The following RASGRF2 variants were observed in gnomAD, a reference collection of about 807,000 sequenced individuals.
RASGRF2 encodes Ras protein specific guanine nucleotide releasing factor 2.
A neutral mutation model predicts 151.0 loss-of-function variants in RASGRF2; 76 were observed. That is an observed-to-expected ratio of 0.50 (90% confidence interval 0.42 to 0.61). The LOEUF (loss-of-function observed/expected upper bound fraction) is 0.61, where lower values mean the gene tolerates loss of function less well. Among genes scored for constraint, RASGRF2 ranks in the 20% least tolerant of loss-of-function variants. The pLI is 0.00. For missense variants in RASGRF2, 1,148 were observed against 1,564.6 expected, an observed-to-expected ratio of 0.73 and a Z score of 4.49; for synonymous variants, 504 against 566.5, an observed-to-expected ratio of 0.89 and a Z score of 1.57.
chr5:81,185,055 C>T (rs1161502102), intron 18 of RASGRF2, among the ~76,000 whole-genome samples: 2 of 152,216 alleles, frequency 1.3e-5, no homozygotes, highest in Non-Finnish European at 2.9e-5. Context: ...AATGGAGTGG[C>T]TCGGCCACCT....
intron 5 of RASGRF2, among the ~76,000 whole-genome samples, chr5:81,079,726 T>C (rs1752033147): frequency 6.6e-6 from 1 of 152,194 alleles, no homozygotes; most frequent in African/African-American, 2.4e-5. Flanking sequence ...TCTCTCCTTC[T>C]GTCAAAACTC....
intron 1 of RASGRF2, among the ~76,000 whole-genome samples, chr5:80,995,684 T>TCCCCCCCC (rs34823229): frequency 2.0e-4 from 14 of 69,456 alleles, no homozygotes; most frequent in Admixed American, 4.6e-4. Context: ...TTCCTTTCCT[T>TCCCCCCCC]CCCCCCCCCT....
intron 15 of RASGRF2, among the ~76,000 whole-genome samples, chr5:81,121,135 C>G (rs1326286083): frequency 2.0e-5 from 3 of 151,988 alleles, no homozygotes; most frequent in Non-Finnish European, 4.4e-5. Context: ...GCCAAAAGTG[C>G]TGCTGTGTGA....
chr5:81,104,522 C>T (rs916043344), intron 12 of RASGRF2, among the ~76,000 whole-genome samples: 8 of 152,034 alleles, frequency 5.3e-5, no homozygotes, highest in Admixed American at 1.3e-4. Context: ...TGTATTATTT[C>T]CCCTTTCCAA....
intron 1 of RASGRF2, among the ~76,000 whole-genome samples, chr5:80,969,368 T>TCA (rs1747831964): frequency 6.7e-6 from 1 of 150,334 alleles, no homozygotes; most frequent in Non-Finnish European, 1.5e-5. Context: ...ACTCCTGACC[T>TCA]TGTGATCTGC....
rs1344392174 is a variant in RASGRF2 at position 81,217,978 on chromosome 5, G to A, written c.3552+505G>A. Among the ~76,000 whole-genome samples the A allele has an allele frequency of 2.6e-5, 4 of 152,060 alleles. No individual in the cohort carries two copies. The East Asian group carries it at 7.7e-4, about 29-fold the overall frequency. On this transcript the variant is annotated intron_variant, in intron 25 of 26. Transcript: ENST00000265080. The stretch of plus-strand genomic sequence containing the variant: ...AGGATGGTCTGGATCTCCTGACCTC[G>A]TGATCTGCCCGCCTGGGACTCCCAA...
intron 14 of RASGRF2, 138 bp from the exon 15 acceptor site, chr5:81,113,400 T>G (rs184823541): frequency 2.0e-6 from 2 of 1,022,918 alleles, no homozygotes; most frequent in Admixed American, 5.2e-5. Context: ...ACATGTAGCA[T>G]TTAGATTAAC....
intron 25 of RASGRF2, 102 bp downstream of exon 25, chr5:81,217,575 T>TTG: frequency 1.2e-5 from 2 of 171,998 alleles, no homozygotes; most frequent in Non-Finnish European, 1.8e-5. Flanking sequence ...TTTTCTCTTC[T>TTG]TTTTTTTTTT....
chr5:81,057,207 T>A (rs1297265326), intron 2 of RASGRF2, among the ~76,000 whole-genome samples: 1 of 152,246 alleles, frequency 6.6e-6, no homozygotes, highest in Non-Finnish European at 1.5e-5. Flanking sequence ...CCTTAGTTGA[T>A]GCAGTTTCTT....
intron 5 of RASGRF2, among the ~76,000 whole-genome samples, chr5:81,076,860 G>C (rs1751954466): frequency 6.6e-6 from 1 of 152,238 alleles, no homozygotes; most frequent in South Asian, 2.1e-4. Flanking sequence ...GCTAGTGGTT[G>C]TGACTTTCCA....
chr5:81,053,528 A>G (rs376292033), intron 2 of RASGRF2, among the ~76,000 whole-genome samples: 1 of 152,096 alleles, frequency 6.6e-6, no homozygotes, highest in East Asian at 1.9e-4. Context: ...TCTATCATTG[A>G]TGGACATTTG....
chr5:81,052,741 T>C (rs1751053690), intron 2 of RASGRF2, among the ~76,000 whole-genome samples: 1 of 152,154 alleles, frequency 6.6e-6, no homozygotes, highest in South Asian at 2.1e-4. Context: ...ATAGAGAAAC[T>C]GGCCTTGCTT....
In RASGRF2 at chr5:81,180,157, G is replaced by A. The variant is rs1561247870; in HGVS notation, c.2687-18G>A. ...GTGGCTTTAACTGCAACACGTGTGT[G>A]TTTCTTTTTCTCCTAAGGCTTTAAC... is the stretch of plus-strand genomic sequence containing the variant. On this transcript the variant is annotated intron_variant, in intron 17 of 26. Coordinates refer to ENST00000265080, the MANE Select transcript of RASGRF2 (RefSeq NM_006909.3). 1 of 1,484,360 alleles carries A rather than the reference G, an allele frequency of 6.7e-7. No homozygotes were observed. Among genetic ancestry groups the A allele is most frequent in the South Asian group, 1.1e-5 (1 of 88,374 alleles). The allele number at this position is 1,484,360 out of a possible 1,614,324, so 91.9% of individuals were successfully genotyped here.
chr5:81,169,511 C>G (rs963376604), intron 17 of RASGRF2, among the ~76,000 whole-genome samples: 1 of 152,148 alleles, frequency 6.6e-6, no homozygotes, highest in African/African-American at 2.4e-5. Context: ...CAATATCTGC[C>G]TCTTTCATCA....
At chr5:81,208,676 C>T (rs916019720) in intron 22 of RASGRF2, among the ~76,000 whole-genome samples, 59 of 149,626 alleles carry the variant, frequency 3.9e-4, no homozygotes, top group African/African-American at 1.4e-3. Flanking sequence ...CTCAGCCTCC[C>T]GAGTAGCTGG....
chr5:80,960,598 C>A lies in RASGRF2; in HGVS notation c.-141C>A. The A allele has an allele frequency of 2.4e-6, 2 of 817,244 alleles. No homozygotes were observed. Among genetic ancestry groups the A allele is most frequent in the Non-Finnish European group, 3.3e-6 (2 of 613,980 alleles). The allele number at this position is 817,244 out of a possible 1,614,324, so 50.6% of individuals were successfully genotyped here. On this transcript the variant is annotated 5_prime_UTR_variant, in exon 1 of 27. Coordinates refer to ENST00000265080, the MANE Select transcript of RASGRF2 (RefSeq NM_006909.3). This position sits in a 1 kb window ranked among gnomAD's most constrained non-coding sequence, Gnocchi z 5.5. ...CGGCCTCCCGAAAGCGGGCGGGGTG[C>A]CCTGCGCGCGGCGTGGGGAAAGGGG...
At chr5:81,016,974 A>G (rs982997006) in intron 1 of RASGRF2, among the ~76,000 whole-genome samples, 2 of 152,202 alleles carry the variant, frequency 1.3e-5, no homozygotes, top group African/African-American at 4.8e-5. Context: ...AACCACCCCA[A>G]CAAAGATAGT....
intron 17 of RASGRF2, among the ~76,000 whole-genome samples, chr5:81,152,532 A>G (rs955376260): frequency 6.6e-6 from 1 of 151,832 alleles, no homozygotes; most frequent in African/African-American, 2.4e-5. Flanking sequence ...CCACAAAGCT[A>G]TCTGATTCAG....
At position 81,230,146 on chromosome 5, in the gene RASGRF2, C is replaced by A. The variant is rs1756081336; in HGVS notation, c.*4376C>A. The A allele has an allele frequency of 6.6e-6, 1 of 152,208 alleles. No homozygotes were observed. The allele number at this position is 152,208 out of a possible 1,614,324, so 9.4% of individuals were successfully genotyped here. A position where few individuals can be genotyped will look rare whatever the true frequency, so the allele number is the denominator to read the frequency against. On this transcript the variant is annotated 3_prime_UTR_variant, in exon 27 of 27. Coordinates refer to ENST00000265080, the MANE Select transcript of RASGRF2 (RefSeq NM_006909.3). Reference sequence around the variant, plus strand: ...ATGCCTATATGCAAATTAAACTTCACCTTTCTTGAATATTCAGAAATCTCA... The same window carrying A: ...ATGCCTATATGCAAATTAAACTTCAACTTTCTTGAATATTCAGAAATCTCA...
Sources: allele counts gnomAD v4.1 joint callset (sites outside exome capture counted in the v4.1 genomes callset), GRCh38; gene constraint gnomAD v4.1.1; non-coding constraint Gnocchi (gnomAD v3.1); transcripts MANE v1.5; gene names NCBI Gene and HGNC (gene_info 2026-07-23, HGNC 2026-07-21).